NPSR1: variants seen among roughly 807,000 people sequenced by gnomAD.
NPSR1 encodes neuropeptide S receptor.
A neutral mutation model predicts 46.9 loss-of-function variants in NPSR1; 48 were observed. That is an observed-to-expected ratio of 1.02 (90% CI 0.81 to 1.30). The LOEUF is 1.30. Ranked by LOEUF, NPSR1 falls within the 50% of genes most tolerant of loss-of-function variation. The pLI is 0.00. For missense variants in NPSR1, 450 were observed against 449.5 expected, an observed-to-expected ratio of 1.00 and a Z score of -0.01; for synonymous variants, 176 against 168.1, an observed-to-expected ratio of 1.05 and a Z score of -0.36.
intron 8 of NPSR1, 115 bp from the exon 9 acceptor site, chr7:34,849,450 G>T (rs1790863979): frequency 6.3e-7 from 1 of 1,599,320 alleles, no homozygotes; most frequent in East Asian, 2.2e-5. Flanking sequence ...AAAGTGCCTG[G>T]CACAGTTGTC....
At chr7:34,694,752 C>A (rs1793431124) in intron 2 of NPSR1, among the ~76,000 whole-genome samples, 1 of 152,196 alleles carries the variant, frequency 6.6e-6, no homozygotes, top group Non-Finnish European at 1.5e-5. Context: ...GCTCTGTCAC[C>A]AGGCTGGAGT....
chr7:34,690,163 G>A (rs150167371), intron 2 of NPSR1, among the ~76,000 whole-genome samples: 36 of 152,014 alleles, frequency 2.4e-4, no homozygotes, highest in African/African-American at 8.7e-4. Context: ...ATACAGACTC[G>A]TTGCCACTGA....
chr7:34,664,988 C>G (rs1276632147), intron 1 of NPSR1, among the ~76,000 whole-genome samples: 1 of 152,214 alleles, frequency 6.6e-6, no homozygotes, highest in Admixed American at 6.5e-5. Flanking sequence ...TTCACAATAT[C>G]ACCTTTGAAC....
chr7:34,770,971 T>A (rs75508362), intron 2 of NPSR1, among the ~76,000 whole-genome samples: 1 of 152,196 alleles, frequency 6.6e-6, no homozygotes. Context: ...AATCTATTCA[T>A]GAGGGCTCAA....
intron 3 of NPSR1, among the ~76,000 whole-genome samples, chr7:34,791,064 A>T (rs544041023): frequency 8.9e-6 from 1 of 111,844 alleles, no homozygotes; most frequent in African/African-American, 4.0e-5. Context: ...TATGTTATAT[A>T]TTATATTATA....
chr7:34,812,683 A>G (rs1789048239), intron 4 of NPSR1, among the ~76,000 whole-genome samples: 1 of 152,210 alleles, frequency 6.6e-6, no homozygotes, highest in South Asian at 2.1e-4. Flanking sequence ...GCCCACAATC[A>G]GAGACCACTC....
At chr7:34,689,067 T>C (rs892386136) in intron 2 of NPSR1, among the ~76,000 whole-genome samples, 1 of 152,160 alleles carries the variant, frequency 6.6e-6, no homozygotes, top group Non-Finnish European at 1.5e-5. Flanking sequence ...GAGCTAATGC[T>C]TCTGCCTGCC....
intron 2 of NPSR1, among the ~76,000 whole-genome samples, chr7:34,702,084 C>G (rs548892955): frequency 4.6e-5 from 7 of 152,188 alleles, no homozygotes; most frequent in Non-Finnish European, 1.0e-4. Context: ...AACCCAGGCT[C>G]CTCTGTATTT....
intron 2 of NPSR1, among the ~76,000 whole-genome samples, chr7:34,714,709 C>G (rs1783481096): frequency 6.6e-6 from 1 of 152,184 alleles, no homozygotes; most frequent in South Asian, 2.1e-4. Flanking sequence ...ATCCTAGACC[C>G]AGTCAATTGC....
Position 34,732,966 on chromosome 7 carries a change from G to C in NPSR1, c.281-45496G>C, listed in dbSNP as rs324395. 7.6e-3 allele frequency among the ~76,000 whole-genome samples: 1,158 copies of C among 152,306 alleles called. 16 individuals are homozygous for C. Among genetic ancestry groups the C allele is most frequent in the African/African-American group, 0.026 (1,081 of 41,572 alleles). On this transcript the variant is annotated intron_variant, in intron 2 of 8. Transcript: ENST00000360581. ...AAGAAAAATATTAACACATCTAAAA[G>C]TTTGCATGTGAATACAGCACTTGGT...
intron 2 of NPSR1, among the ~76,000 whole-genome samples, chr7:34,759,974 A>C (rs1562708199): frequency 6.6e-6 from 1 of 152,204 alleles, no homozygotes. Flanking sequence ...TAGTCTCTCA[A>C]GGATTGGCTT....
At chr7:34,706,035 A>G (rs1794089443) in intron 2 of NPSR1, among the ~76,000 whole-genome samples, 2 of 151,874 alleles carry the variant, frequency 1.3e-5, no homozygotes, top group African/African-American at 2.4e-5. Flanking sequence ...AGATGGGTAT[A>G]GAAATCTTGA....
At chr7:34,849,440 A>G (rs13226080) in intron 8 of NPSR1, 125 bp from the exon 9 acceptor site, 2 of 1,593,842 alleles carry the variant, frequency 1.3e-6, no homozygotes, top group Non-Finnish European at 1.7e-6. Context: ...TATTACATGT[A>G]AAGTGCCTGG....
intron 3 of NPSR1, among the ~76,000 whole-genome samples, chr7:34,780,012 A>C (rs559808074): frequency 3.9e-5 from 6 of 152,266 alleles, no homozygotes; most frequent in African/African-American, 1.4e-4. Context: ...CTTTAGTGGA[A>C]TACTCAGTTC....
At chr7:34,869,363 A>T (rs1315612544) in intron 8 of NPSR1, among the ~76,000 whole-genome samples, 1 of 151,812 alleles carries the variant, frequency 6.6e-6, no homozygotes, top group Non-Finnish European at 1.5e-5. Context: ...CTAAAATGCA[A>T]ATTTGATGAC....
chr7:34,669,096 T>C (rs1583770096), intron 1 of NPSR1, among the ~76,000 whole-genome samples: 1 of 152,226 alleles, frequency 6.6e-6, no homozygotes, highest in East Asian at 1.9e-4. Flanking sequence ...ATAAGGCGCA[T>C]GCTCTTTCCA....
At chr7:34,878,108 C>T (rs775873823) in exon 9 of NPSR1, 6 of 1,610,178 alleles carry the variant, frequency 3.7e-6, no homozygotes, top group Admixed American at 3.3e-5. Context: ...CAGGAGGCTG[C>T]GCTAATGCTC....
At chr7:34,845,864 T>C (rs1274637967) in intron 7 of NPSR1, among the ~76,000 whole-genome samples, 1 of 152,218 alleles carries the variant, frequency 6.6e-6, no homozygotes, top group Admixed American at 6.5e-5. Flanking sequence ...GGATTTGTGC[T>C]ATTTTCTTTT....
intron 1 of NPSR1, among the ~76,000 whole-genome samples, chr7:34,676,114 C>A (rs961546495): frequency 2.0e-5 from 3 of 152,096 alleles, no homozygotes; most frequent in African/African-American, 7.2e-5. Flanking sequence ...ATTCAAGCAT[C>A]ACTCTGAAAA....
Sources: gnomAD v4.1 joint callset for allele counts (sites outside exome capture counted in the v4.1 genomes callset) on GRCh38, gnomAD v4.1.1 for gene constraint, MANE v1.5 for transcripts, NCBI Gene and HGNC (gene_info 2026-07-23, HGNC 2026-07-21) for gene names.